FARS2: variants seen among roughly 807,000 people sequenced by gnomAD.
FARS2 encodes the protein phenylalanyl-tRNA synthetase 2, mitochondrial.
In FARS2, 40 loss-of-function variants were observed where a neutral mutation model predicts 46.4. The observed-to-expected ratio is 0.86, with a 90% CI of 0.67 to 1.12. FARS2 has a LOEUF of 1.12. Ranked by LOEUF, FARS2 falls within the 50% of genes most tolerant of loss-of-function variation. FARS2 has a pLI of 0.00. For missense variants in FARS2, 513 were observed against 567.9 expected, an observed-to-expected ratio of 0.90 and a Z score of 0.98; for synonymous variants, 234 against 214.9, an observed-to-expected ratio of 1.09 and a Z score of -0.78.
chr6:5,610,552 G>A (rs1775120531), intron 5 of FARS2, among the ~76,000 whole-genome samples: 1 of 152,082 alleles, frequency 6.6e-6, no homozygotes, highest in Non-Finnish European at 1.5e-5. Context: ...GATGTGCATA[G>A]GTTATATGCA....
In FARS2 at chr6:5,390,566, G is replaced by A. The variant is rs535503812; in HGVS notation, c.613-13976G>A. On this transcript the variant is annotated intron_variant, in intron 2 of 6. Transcript: ENST00000274680. The stretch of plus-strand genomic sequence containing the variant: ...AAACCAGTGTCTTTTCTGTGTGAAG[G>A]CTTTCTTGTGAACAGCTCCTGGGTT... 1.6e-4 allele frequency among the ~76,000 whole-genome samples: 24 copies of A among 152,248 alleles called. No individual in the cohort carries two copies. In the East Asian group the frequency reaches 4.4e-3, roughly 28 times the overall value.
intron 6 of FARS2, among the ~76,000 whole-genome samples, chr6:5,617,891 A>C (rs1383101693): frequency 6.6e-6 from 1 of 152,200 alleles, no homozygotes; most frequent in Non-Finnish European, 1.5e-5. Context: ...AAACCTAGCT[A>C]TTACAGTACT....
chr6:5,541,939 G>C (rs1327907671), intron 4 of FARS2, among the ~76,000 whole-genome samples: 1 of 152,120 alleles, frequency 6.6e-6, no homozygotes, highest in Non-Finnish European at 1.5e-5. Flanking sequence ...AGAGTATATA[G>C]GGTAGTTTCC....
At chr6:5,435,638 A>G (rs9378950) in intron 4 of FARS2, among the ~76,000 whole-genome samples, 3 of 151,922 alleles carry the variant, frequency 2.0e-5, no homozygotes, top group Non-Finnish European at 4.4e-5. Context: ...CACGTCCCCA[A>G]ATACTACACA....
chr6:5,734,819 A>G (rs1056726198), intron 6 of FARS2, among the ~76,000 whole-genome samples: 1 of 152,212 alleles, frequency 6.6e-6, no homozygotes, highest in Non-Finnish European at 1.5e-5. Context: ...AGATACATAC[A>G]TACATACATA....
chr6:5,385,091 C>G (rs1288816818), intron 2 of FARS2, among the ~76,000 whole-genome samples: 1 of 152,126 alleles, frequency 6.6e-6, no homozygotes, highest in African/African-American at 2.4e-5. Flanking sequence ...GAGGGACTTC[C>G]CATAGAGACC....
At chr6:5,718,288 C>G (rs1257207022) in intron 6 of FARS2, among the ~76,000 whole-genome samples, 1 of 152,164 alleles carries the variant, frequency 6.6e-6, no homozygotes, top group African/African-American at 2.4e-5. Context: ...CCATGCTAGA[C>G]TGAAAACTTC....
At position 5,501,476 on chromosome 6, in the gene FARS2, T is replaced by TTTTTA. The variant is rs1272333496; in HGVS notation, c.905-43689_905-43685dup. On this transcript the variant is annotated intron_variant, in intron 4 of 6. Coordinates refer to ENST00000274680, the MANE Select transcript of FARS2 (RefSeq NM_006567.5). ...TTAGCATTGTCTTGGGGTTCTCATT[T>TTTTTA]TTTTATTTTATTTTATTTTTATTTA... is the stretch of plus-strand genomic sequence containing the variant. 3.3e-4 allele frequency among the ~76,000 whole-genome samples: 50 copies of TTTTTA among 152,142 alleles called. 1 individual carries two copies. The highest frequency in any genetic ancestry group is 1.2e-3 in the African/African-American group (50 of 41,538).
In FARS2 at chr6:5,473,543, A is replaced by C. The variant is rs200921874; in HGVS notation, c.904+42371A>C. ...CTCTGTCTCAAAAAACAAAAAAAAA[A>C]ACAAAAAAAAAAAACAAAAGAATAC... On this transcript the variant is annotated intron_variant, in intron 4 of 6. Transcript: ENST00000274680. Among the ~76,000 whole-genome samples the C allele has an allele frequency of 2.0e-4, 20 of 101,676 alleles. 1 individual carries two copies. The highest frequency in any genetic ancestry group is 3.2e-4 in the Non-Finnish European group (16 of 50,758). 66.7% of individuals were successfully genotyped at this position (101,676 alleles called of 152,430 possible).
intron 5 of FARS2, among the ~76,000 whole-genome samples, chr6:5,557,060 C>T (rs1303845686): frequency 6.6e-6 from 1 of 152,044 alleles, no homozygotes; most frequent in South Asian, 2.1e-4. Context: ...AGAAAGAGAT[C>T]ATCAGAATAG....
intron 5 of FARS2, among the ~76,000 whole-genome samples, chr6:5,598,731 G>A (rs757120922): frequency 1.3e-5 from 2 of 152,266 alleles, no homozygotes; most frequent in East Asian, 3.9e-4. Flanking sequence ...TAGTATCAAA[G>A]CATCTGGCCC....
At chr6:5,751,955 C>T (rs1371397760) in intron 6 of FARS2, among the ~76,000 whole-genome samples, 2 of 152,240 alleles carry the variant, frequency 1.3e-5, no homozygotes, top group African/African-American at 2.4e-5. Context: ...CCCCCACCAG[C>T]TCTGCCCTGG....
chr6:5,625,760 G>A (rs551935812), intron 6 of FARS2, among the ~76,000 whole-genome samples: 3 of 152,296 alleles, frequency 2.0e-5, no homozygotes, highest in South Asian at 2.1e-4. Context: ...CCTGGGATGC[G>A]GGACTCTGCT....
At chr6:5,285,595 A>C (rs1215756790) in intron 1 of FARS2, among the ~76,000 whole-genome samples, 1 of 152,220 alleles carries the variant, frequency 6.6e-6, no homozygotes, top group African/African-American at 2.4e-5. Flanking sequence ...AGGCTGCATC[A>C]GCAAGTGCAT....
intron 4 of FARS2, among the ~76,000 whole-genome samples, chr6:5,451,047 C>A (rs906964875): frequency 6.6e-6 from 1 of 152,146 alleles, no homozygotes; most frequent in Non-Finnish European, 1.5e-5. Context: ...GTAAACACTT[C>A]AGGGTTTTCT....
rs35991746 is a variant in FARS2, at chr6:5,740,500, GT to G, written c.1218-30779del. ...AATCAAAATGAAGTACCAAGTAAGG[GT>G]TTTTTTTTTTTCAAAAAAGCAAAAT... On this transcript the variant is annotated intron_variant, in intron 6 of 6. Coordinates refer to ENST00000274680, the MANE Select transcript of FARS2 (RefSeq NM_006567.5). 2.0e-3 allele frequency among the ~76,000 whole-genome samples: 289 copies of G among 142,580 alleles called. 2 individuals are homozygous for G. The highest frequency in any genetic ancestry group is 7.1e-3 in the Middle Eastern group (2 of 282). 93.5% of individuals were successfully genotyped at this position (142,580 alleles called of 152,430 possible). A position where few individuals can be genotyped will look rare whatever the true frequency, so the allele number is the denominator to read the frequency against.
chr6:5,669,526 G>A (rs1442202583), intron 6 of FARS2, among the ~76,000 whole-genome samples: 4 of 152,158 alleles, frequency 2.6e-5, no homozygotes, highest in East Asian at 1.9e-4. Context: ...GAGAGCCACC[G>A]TATACGTCAG....
chr6:5,668,840 C>G (rs937351541), intron 6 of FARS2, among the ~76,000 whole-genome samples: 16 of 151,888 alleles, frequency 1.1e-4, no homozygotes, highest in African/African-American at 3.9e-4. Context: ...ATTACAGGCA[C>G]CCACCATCAC....
chr6:5,666,194 G>A (rs1489400218), intron 6 of FARS2, among the ~76,000 whole-genome samples: 2 of 152,278 alleles, frequency 1.3e-5, no homozygotes, highest in Admixed American at 1.3e-4. Context: ...GGCTGTGTAA[G>A]GAAGAATCCA....
Sources: allele counts gnomAD v4.1 joint callset (sites outside exome capture counted in the v4.1 genomes callset), GRCh38; gene constraint gnomAD v4.1.1; transcripts MANE v1.5; gene names NCBI Gene and HGNC (gene_info 2026-07-23, HGNC 2026-07-21).